The following PARG variants were observed in gnomAD, a reference collection of about 807,000 sequenced individuals.
PARG encodes poly(ADP-ribose) glycohydrolase.
In PARG, 35 loss-of-function variants were observed where a neutral mutation model predicts 113.0. The observed-to-expected ratio is 0.31, with a 90% confidence interval of 0.24 to 0.41. The LOEUF is 0.41. Among genes scored for constraint, PARG ranks in the 10% least tolerant of loss-of-function variants. The pLI is 1.00. For synonymous variants in PARG, 330 were observed against 409.9 expected (o/e 0.81, Z 2.36); for missense variants, 797 against 1,169.4 (o/e 0.68, Z 4.64).
intron 15 of PARG, among the ~76,000 whole-genome samples, chr10:49,835,443 T>TA (rs1427501824): frequency 2.6e-5 from 4 of 151,972 alleles, no homozygotes; most frequent in African/African-American, 7.2e-5. Flanking sequence ...AAGCAGAAGA[T>TA]ACCAATGAAC....
chr10:49,934,722 G>A (rs1388196230), intron 2 of PARG, among the ~76,000 whole-genome samples: 11 of 151,976 alleles, frequency 7.2e-5, no homozygotes, highest in Admixed American at 6.6e-4. Context: ...GGTGGTGGGC[G>A]CCTGTAGTCC....
intron 4 of PARG, among the ~76,000 whole-genome samples, chr10:49,931,809 T>C (rs1342729604): frequency 1.3e-5 from 2 of 149,944 alleles, no homozygotes; most frequent in African/African-American, 2.4e-5. Context: ...CACAATACTA[T>C]CAACTGAGTA....
At chr10:49,848,945 G>T (rs1349714314) in intron 13 of PARG, among the ~76,000 whole-genome samples, 3 of 151,616 alleles carry the variant, frequency 2.0e-5, no homozygotes, top group African/African-American at 7.3e-5. Flanking sequence ...ACAAAACATT[G>T]TTAAGATGTC....
intron 16 of PARG, among the ~76,000 whole-genome samples, chr10:49,828,092 CAAAAAAAAAAAAAAAA>C (rs71026274): frequency 4.0e-5 from 2 of 50,368 alleles, no homozygotes; most frequent in African/African-American, 1.6e-4. Flanking sequence ...AAAGCTTAAA[CAAAAAAAAAAAAAAAA>C]AAAAAAAAAA....
chr10:49,917,956 A>T (rs1554848146), intron 6 of PARG, among the ~76,000 whole-genome samples: 4 of 152,212 alleles, frequency 2.6e-5, no homozygotes. Context: ...TAAACAATGC[A>T]TATACTGGAG....
At chr10:49,849,490 T>C (rs1277069907) in intron 13 of PARG, among the ~76,000 whole-genome samples, 24 of 151,872 alleles carry the variant, frequency 1.6e-4, no homozygotes, top group Admixed American at 1.6e-3. Flanking sequence ...AAATATCTGA[T>C]AAAGGATTTA....
chr10:49,936,677 A>G (rs1403510559), intron 1 of PARG, among the ~76,000 whole-genome samples: 2 of 152,188 alleles, frequency 1.3e-5, no homozygotes, highest in African/African-American at 2.4e-5. Flanking sequence ...GATACTCACT[A>G]AATTGCAATG....
chr10:49,833,192 CACTTCAA>C (rs1664646563), intron 15 of PARG: 1 of 193,884 alleles, frequency 5.2e-6, no homozygotes, highest in African/African-American at 2.3e-5. Context: ...TTTATTTTTC[CACTTCAA>C]ACAAACAGAA....
chr10:49,822,412 C>A (rs1377228627), intron 16 of PARG, among the ~76,000 whole-genome samples: 1 of 152,088 alleles, frequency 6.6e-6, no homozygotes, highest in Non-Finnish European at 1.5e-5. Flanking sequence ...ATAGTTTGGA[C>A]AAGAAAGGTA....
At chr10:49,928,605 A>G (rs1219581456) in intron 4 of PARG, among the ~76,000 whole-genome samples, 1 of 152,218 alleles carries the variant, frequency 6.6e-6, no homozygotes, top group Non-Finnish European at 1.5e-5. Flanking sequence ...GCAGGGCTCA[A>G]GTAATCCTTC....
Position 49,933,010 on chromosome 10 carries a change from C to T in PARG, c.1271+167G>A, listed in dbSNP as rs1467518677. On this transcript the variant is annotated intron_variant, in intron 3 of 17. Transcript: ENST00000616448. ...TTATTTCTTGTTTTCTGTTTCTAGCCTTTTTAGAGTTTAAACTTTGGAGTC... is the reference window on the plus strand; with the variant it reads ...TTATTTCTTGTTTTCTGTTTCTAGCTTTTTTAGAGTTTAAACTTTGGAGTC... Among the ~76,000 whole-genome samples the T allele has an allele frequency of 6.6e-5, 10 of 152,174 alleles. No individual in the cohort carries two copies. The East Asian group carries it at 1.9e-3, about 29-fold the overall frequency.
At chr10:49,916,607 T>C (rs1452103392) in intron 6 of PARG, among the ~76,000 whole-genome samples, 1 of 152,088 alleles carries the variant, frequency 6.6e-6, no homozygotes, top group African/African-American at 2.4e-5. Flanking sequence ...AGTCAAAATA[T>C]TATGCCATCT....
At chr10:49,832,932 A>G (rs1349886905) in intron 15 of PARG, 24 bp from the exon 16 acceptor site, 1 of 1,275,180 alleles carries the variant, frequency 7.8e-7, no homozygotes, top group African/African-American at 1.5e-5. Context: ...GAATTATCAA[A>G]GCCTGTGAGT....
At chr10:49,929,412 C>CT (rs1185602514) in intron 4 of PARG, among the ~76,000 whole-genome samples, 1 of 151,882 alleles carries the variant, frequency 6.6e-6, no homozygotes, top group Non-Finnish European at 1.5e-5. Flanking sequence ...CTTCTATTTT[C>CT]TTTTTTATCC....
In PARG at chr10:49,862,086, CGTGT is replaced by C. The variant is rs35142553; in HGVS notation, c.2130-427_2130-424del. 5.3e-3 allele frequency among the ~76,000 whole-genome samples: 752 copies of C among 143,002 alleles called. 1 individual carries two copies. Among genetic ancestry groups the C allele is most frequent in the Admixed American group, 0.013 (182 of 14,512 alleles). 93.8% of individuals were successfully genotyped at this position (143,002 alleles called of 152,430 possible). A position where few individuals can be genotyped will look rare whatever the true frequency, so the allele number is the denominator to read the frequency against. On this transcript the variant is annotated intron_variant, in intron 11 of 17. Coordinates refer to ENST00000616448, the MANE Select transcript of PARG (RefSeq NM_003631.5). ...TTTTCTATTTTCACTGTTTCATAAC[CGTGT>C]GTGTGTGTGTGTGTGTGTGTGTCTT...
chr10:49,930,025 C>CTA, intron 4 of PARG, among the ~76,000 whole-genome samples: 1 of 151,912 alleles, frequency 6.6e-6, no homozygotes, highest in East Asian at 1.9e-4. Context: ...ATTCATCCAT[C>CTA]TATACAGTTG....
At chr10:49,838,825 T>C (rs1181813619) in intron 15 of PARG, among the ~76,000 whole-genome samples, 1 of 152,204 alleles carries the variant, frequency 6.6e-6, no homozygotes, top group East Asian at 1.9e-4. Context: ...AAAATGAATG[T>C]AGAACTGCAT....
chr10:49,868,442 T>C (rs1846627514), intron 10 of PARG, among the ~76,000 whole-genome samples: 1 of 152,260 alleles, frequency 6.6e-6, no homozygotes, highest in African/African-American at 2.4e-5. Flanking sequence ...GAGAAGCATG[T>C]AATTTTCCCT....
At chr10:49,837,562 A>C (rs1185016665) in intron 15 of PARG, among the ~76,000 whole-genome samples, 1 of 152,096 alleles carries the variant, frequency 6.6e-6, no homozygotes, top group Admixed American at 6.6e-5. Context: ...TCATAACCAA[A>C]ATTCTTAAGT....
Sources: gnomAD v4.1 joint callset for allele counts (sites outside exome capture counted in the v4.1 genomes callset) on GRCh38, gnomAD v4.1.1 for gene constraint, MANE v1.5 for transcripts, NCBI Gene and HGNC (gene_info 2026-07-23, HGNC 2026-07-21) for gene names.